FLT1: variants seen among roughly 807,000 people sequenced by gnomAD.
FLT1 encodes vascular endothelial growth factor receptor 1.
Under a neutral mutation model 156.3 loss-of-function variants are expected in FLT1, and 49 were observed. That is an observed-to-expected ratio of 0.31 (90% confidence interval 0.25 to 0.40). The LOEUF is 0.40. Ranked by LOEUF, FLT1 falls within the 10% of genes least tolerant of loss-of-function variation. The probability of loss-of-function intolerance (pLI) is 1.00; values close to 1 mark genes in which losing one functional copy is unlikely to be tolerated. For missense variants in FLT1, 1,322 were observed against 1,637.2 expected, an observed-to-expected ratio of 0.81 and a Z score of 3.32; for synonymous variants, 594 against 583.8, an observed-to-expected ratio of 1.02 and a Z score of -0.25.
At chr13:28,491,907 A>G (rs545869828) in intron 1 of FLT1, among the ~76,000 whole-genome samples, 12 of 152,362 alleles carry the variant, frequency 7.9e-5, no homozygotes, top group African/African-American at 2.9e-4. Context: ...TAGAATGTCC[A>G]ACAGGGAAAT....
At chr13:28,396,333 A>T (rs59894418) in intron 12 of FLT1, among the ~76,000 whole-genome samples, 3,865 of 152,230 alleles carry the variant, frequency 0.025, 156 homozygotes, top group African/African-American at 0.086. Context: ...TTGTTTTTAT[A>T]CTTTGAGCTA....
chr13:28,418,441 C>G (rs577542982), intron 10 of FLT1, among the ~76,000 whole-genome samples: 14 of 152,328 alleles, frequency 9.2e-5, no homozygotes, highest in Non-Finnish European at 1.3e-4. Flanking sequence ...GTTAGGCAGG[C>G]GCCCTCCCAA....
intron 3 of FLT1, among the ~76,000 whole-genome samples, chr13:28,459,393 T>C (rs1354303875): frequency 6.6e-6 from 1 of 152,148 alleles, no homozygotes; most frequent in Non-Finnish European, 1.5e-5. Context: ...TGGAAACCAG[T>C]TCCTACTGGA....
intron 3 of FLT1, among the ~76,000 whole-genome samples, chr13:28,438,579 T>C (rs148668198): frequency 2.3e-4 from 35 of 152,252 alleles, no homozygotes; most frequent in Non-Finnish European, 4.0e-4. Context: ...TCTGATCAGA[T>C]TGCCCCAATA....
intron 3 of FLT1, among the ~76,000 whole-genome samples, chr13:28,460,647 G>A (rs1879515089): frequency 1.3e-5 from 2 of 151,454 alleles, no homozygotes; most frequent in South Asian, 4.2e-4. Context: ...CAGTACTGGT[G>A]TGCCCCTCCC....
chr13:28,431,847 C>T (rs764938903), intron 6 of FLT1, among the ~76,000 whole-genome samples: 4 of 151,984 alleles, frequency 2.6e-5, no homozygotes, highest in African/African-American at 4.8e-5. Context: ...TTTGTCCCTA[C>T]GAGATATGAA....
chr13:28,359,546 C>T (rs1359774427), intron 14 of FLT1, among the ~76,000 whole-genome samples: 1 of 152,114 alleles, frequency 6.6e-6, no homozygotes, highest in Admixed American at 6.5e-5. Flanking sequence ...GGGATTGCAT[C>T]AAACTAAAAA....
intron 3 of FLT1, among the ~76,000 whole-genome samples, chr13:28,451,627 G>A (rs1245042215): frequency 6.6e-6 from 1 of 152,104 alleles, no homozygotes; most frequent in African/African-American, 2.4e-5. Flanking sequence ...CGGCGGGGGA[G>A]GGGAGCGGGT....
intron 14 of FLT1, among the ~76,000 whole-genome samples, chr13:28,365,190 T>C (rs1391409913): frequency 3.3e-5 from 5 of 152,226 alleles, no homozygotes; most frequent in Non-Finnish European, 5.9e-5. Flanking sequence ...TTAATAGTTT[T>C]ATGATTTTCT....
intron 20 of FLT1, 73 bp from the exon 21 acceptor site, chr13:28,323,019 G>A: frequency 6.8e-7 from 1 of 1,481,120 alleles, no homozygotes; most frequent in Non-Finnish European, 9.4e-7. Context: ...TCCCTCAACT[G>A]GCAATCGCCT....
intron 10 of FLT1, among the ~76,000 whole-genome samples, chr13:28,409,586 C>T (rs149250102): frequency 1.2e-4 from 19 of 152,252 alleles, no homozygotes; most frequent in Admixed American, 6.5e-5. Flanking sequence ...CTGCCTGCCT[C>T]AGCCTCCCAA....
In FLT1 at chr13:28,322,264, T is replaced by C. The variant is rs930705401; in HGVS notation, c.3049A>G (p.Lys1017Glu). 6.3e-7 allele frequency: 1 copy of C among 1,594,140 alleles called. No individual in the cohort carries two copies. Among genetic ancestry groups the C allele is most frequent in the Non-Finnish European group, 8.6e-7 (1 of 1,161,750 alleles). The change falls in exon 22 of 30, where the codon AAG becomes GAG. Residue 1017 changes from lysine (K) to glutamate (E), a missense_variant and splice_region_variant. Lys to Glu is a moderately conservative substitution (Grantham distance 56). Transcript: ENST00000282397. The surrounding 1 kb of genome is among the most constrained non-coding windows in gnomAD (Gnocchi z 4.3). ...AAACAGTAAACAGCAAGACTGACCT[T>C]TCTGGAAGACAGGAACTCCATGCCT... ...ARGMEFLSSR[K>E]CIHRDLAARN...
intron 6 of FLT1, 105 bp downstream of exon 6, chr13:28,433,714 C>T (rs1877841942): frequency 1.9e-6 from 2 of 1,073,944 alleles, no homozygotes; most frequent in Non-Finnish European, 2.9e-6. Context: ...CTAACACTGC[C>T]ACAGGAGTCA....
intron 20 of FLT1, among the ~76,000 whole-genome samples, chr13:28,325,783 C>T (rs1871653163): frequency 7.8e-6 from 1 of 128,540 alleles, no homozygotes; most frequent in African/African-American, 2.8e-5. Context: ...CCACTGCACT[C>T]CAGCCTGACT....
chr13:28,327,644 C>A (rs1871739548), intron 19 of FLT1, 94 bp from the exon 20 acceptor site: 5 of 832,836 alleles, frequency 6.0e-6, no homozygotes, highest in South Asian at 1.4e-5. Context: ...TCAAACCAAC[C>A]AGCCTTTGTA....
chr13:28,446,428 A>T (rs559671530), intron 3 of FLT1, among the ~76,000 whole-genome samples: 146 of 152,316 alleles, frequency 9.6e-4, no homozygotes, highest in African/African-American at 3.4e-3. Flanking sequence ...CCACTAAAAA[A>T]CTACTAGAAT....
chr13:28,490,168 C>A (rs1322487497), intron 1 of FLT1, among the ~76,000 whole-genome samples: 1 of 152,180 alleles, frequency 6.6e-6, no homozygotes, highest in African/African-American at 2.4e-5. Flanking sequence ...TCATCTCTGG[C>A]ATGAGTAGAT....
intron 14 of FLT1, among the ~76,000 whole-genome samples, chr13:28,359,777 A>C (rs571698774): frequency 5.3e-5 from 8 of 152,302 alleles, no homozygotes; most frequent in African/African-American, 1.7e-4. Flanking sequence ...CAGTTATATG[A>C]AAAAAATACT....
chr13:28,485,654 A>G (rs1881112270), intron 1 of FLT1, among the ~76,000 whole-genome samples: 1 of 152,194 alleles, frequency 6.6e-6, no homozygotes, highest in African/African-American at 2.4e-5. Flanking sequence ...CTCTCCACGC[A>G]GAGAGGCATC....
Sources: gnomAD v4.1 joint callset for allele counts (sites outside exome capture counted in the v4.1 genomes callset) on GRCh38, gnomAD v4.1.1 for gene constraint, Gnocchi (gnomAD v3.1) non-coding constraint, MANE v1.5 for transcripts, NCBI Gene and HGNC (gene_info 2026-07-23, HGNC 2026-07-21) for gene names.